Variants in ACYP2 observed in about 807,000 individuals in gnomAD.
ACYP2 encodes acylphosphatase-2.
Under a neutral mutation model 11.2 loss-of-function variants are expected in ACYP2, and 12 were observed. That is an observed-to-expected ratio of 1.08 (90% CI 0.69 to 1.74). The LOEUF (loss-of-function observed/expected upper bound fraction) is 1.74. Among genes scored for constraint, ACYP2 ranks in the 40% most tolerant of loss-of-function variants. The pLI, the probability that ACYP2 is intolerant of heterozygous loss-of-function variation, is 0.00. For missense variants in ACYP2, 134 were observed against 101.9 expected, an observed-to-expected ratio of 1.31 and a Z score of -1.35; for synonymous variants, 43 against 32.2, an observed-to-expected ratio of 1.33 and a Z score of -1.13.
At chr2:54,227,963 C>A (rs1049174249) in intron 6 of ACYP2, among the ~76,000 whole-genome samples, 3 of 152,198 alleles carry the variant, frequency 2.0e-5, no homozygotes, top group Non-Finnish European at 4.4e-5. Flanking sequence ...GAAAGCTAAA[C>A]CCCAGCTGCT....
At chr2:54,091,487 G>GGTTTT (rs1264380739) in intron 4 of ACYP2, among the ~76,000 whole-genome samples, 6 of 136,246 alleles carry the variant, frequency 4.4e-5, no homozygotes, top group Non-Finnish European at 7.9e-5. Context: ...TCACTCTCTT[G>GGTTTT]ATTTTATTTA....
intron 6 of ACYP2, among the ~76,000 whole-genome samples, chr2:54,262,719 T>A (rs1404793996): frequency 6.6e-6 from 1 of 152,184 alleles, no homozygotes; most frequent in Non-Finnish European, 1.5e-5. Context: ...GTGATTACTT[T>A]TTTTTTTTAG....
At chr2:54,263,449 C>T (rs1025871059) in intron 6 of ACYP2, among the ~76,000 whole-genome samples, 6 of 152,158 alleles carry the variant, frequency 3.9e-5, no homozygotes, top group African/African-American at 4.8e-5. Context: ...ACCATATCAC[C>T]GTGTCTCTAC....
intron 4 of ACYP2, among the ~76,000 whole-genome samples, chr2:54,108,630 T>C (rs1018458508): frequency 3.3e-5 from 5 of 151,874 alleles, no homozygotes; most frequent in African/African-American, 4.8e-5. Context: ...TGGCCCTTTT[T>C]CCCCCGAGTT....
chr2:54,132,798 G>A (rs998003950), intron 4 of ACYP2, among the ~76,000 whole-genome samples: 4 of 148,478 alleles, frequency 2.7e-5, no homozygotes, highest in African/African-American at 7.5e-5. Context: ...AGGCTGGAGT[G>A]CAATGGCATG....
At chr2:54,191,950 G>C (rs931466852) in intron 6 of ACYP2, among the ~76,000 whole-genome samples, 28 of 152,062 alleles carry the variant, frequency 1.8e-4, no homozygotes, top group African/African-American at 6.0e-4. Flanking sequence ...TCACAGTCCT[G>C]GTGTATGGCA....
At chr2:54,142,121 G>T (rs1681643037) in intron 6 of ACYP2, 2 of 390,498 alleles carry the variant, frequency 5.1e-6, no homozygotes, top group Non-Finnish European at 9.0e-6. Context: ...TGACTTTCCT[G>T]CCTCAGCCTC....
chr2:54,215,823 T>A (rs1685536979), intron 6 of ACYP2, among the ~76,000 whole-genome samples: 1 of 152,188 alleles, frequency 6.6e-6, no homozygotes, highest in Non-Finnish European at 1.5e-5. Context: ...TAAATGTATT[T>A]AATAAAGCTT....
chr2:54,134,659 A>G (rs1681117745), intron 4 of ACYP2, among the ~76,000 whole-genome samples: 1 of 152,250 alleles, frequency 6.6e-6, no homozygotes, highest in African/African-American at 2.4e-5. Context: ...TCATTTTAAA[A>G]GAAACTAATT....
intron 6 of ACYP2, among the ~76,000 whole-genome samples, chr2:54,239,866 C>T (rs1686655786): frequency 6.6e-6 from 1 of 151,982 alleles, no homozygotes; most frequent in South Asian, 2.1e-4. Flanking sequence ...TAAATATTTC[C>T]AAATGTCATG....
At chr2:54,196,649 G>A (rs1684493424) in intron 6 of ACYP2, among the ~76,000 whole-genome samples, 1 of 152,164 alleles carries the variant, frequency 6.6e-6, no homozygotes, top group Admixed American at 6.5e-5. Flanking sequence ...TGTTGTGAGG[G>A]GCTGTCCTGT....
intron 2 of ACYP2, chr2:54,029,563 G>C: frequency 2.5e-6 from 1 of 396,234 alleles, no homozygotes; most frequent in Non-Finnish European, 4.9e-6. Flanking sequence ...TCTCTGGGTG[G>C]AGCTGACTGG....
At chr2:54,138,505 C>A in intron 5 of ACYP2, 134 bp from the exon 3 acceptor site, 1 of 598,242 alleles carries the variant, frequency 1.7e-6, no homozygotes, top group Admixed American at 3.4e-5. Flanking sequence ...TACTGTAGGT[C>A]ATCTATACAA....
chr2:54,265,112 G>T (rs1485412591), intron 6 of ACYP2, among the ~76,000 whole-genome samples: 1 of 152,030 alleles, frequency 6.6e-6, no homozygotes, highest in East Asian at 1.9e-4. Context: ...AAAAGTAGGG[G>T]GTCAAAAGAT....
At chr2:54,188,612 C>T (rs1477186293) in intron 6 of ACYP2, among the ~76,000 whole-genome samples, 1 of 152,122 alleles carries the variant, frequency 6.6e-6, no homozygotes, top group Non-Finnish European at 1.5e-5. Flanking sequence ...TAGTACTTTT[C>T]GTATTATAAG....
intron 6 of ACYP2, among the ~76,000 whole-genome samples, chr2:54,163,631 G>C (rs2103834178): frequency 6.6e-6 from 1 of 152,244 alleles, no homozygotes; most frequent in South Asian, 2.1e-4. Context: ...TAGGGGGGTG[G>C]CTCACCCAAG....
chr2:54,182,418 T>C (rs1683783066), intron 6 of ACYP2, among the ~76,000 whole-genome samples: 1 of 152,180 alleles, frequency 6.6e-6, no homozygotes, highest in Non-Finnish European at 1.5e-5. Context: ...CATGGTTCAC[T>C]GAAGCCTTGA....
intron 4 of ACYP2, among the ~76,000 whole-genome samples, chr2:54,103,364 T>C (rs1297120712): frequency 6.6e-6 from 1 of 152,248 alleles, no homozygotes; most frequent in Non-Finnish European, 1.5e-5. Flanking sequence ...GAGTTATCTG[T>C]CCATTTTGCT....
chr2:54,015,679 A>ACG lies in ACYP2; in HGVS notation c.63-35278_63-35277insGC, dbSNP rs1427671466. 2.0e-5 allele frequency among the ~76,000 whole-genome samples: 3 copies of ACG among 151,122 alleles called. No homozygotes were observed. In the East Asian group the frequency reaches 5.8e-4, roughly 29 times the overall value. On this transcript the variant is annotated intron_variant, in intron 2 of 6. Transcript: ENST00000607452. ...CACACACACACACACACACACACAC[A>ACG]CACACACACGGCAGAATCTCAGCCT... is the stretch of plus-strand genomic sequence containing the variant.
Sources: gnomAD v4.1 joint callset for allele counts (sites outside exome capture counted in the v4.1 genomes callset) on GRCh38, gnomAD v4.1.1 for gene constraint, MANE v1.5 for transcripts, NCBI Gene and HGNC (gene_info 2026-07-23, HGNC 2026-07-21) for gene names.